Variants in CD82 observed in about 807,000 individuals in gnomAD.
CD82 encodes the protein CD82 molecule, also known as CD82 antigen.
A neutral mutation model predicts 37.4 loss-of-function variants in CD82; 36 were observed. The ratio of observed to expected loss-of-function variants is 0.96; its 90% CI spans 0.74 to 1.27. CD82 has a LOEUF of 1.27. Ranked by LOEUF, CD82 falls within the 50% of genes most tolerant of loss-of-function variation. The probability of loss-of-function intolerance (pLI) is 0.00; values close to 1 mark genes in which losing one functional copy is unlikely to be tolerated. For missense variants in CD82, 340 were observed against 347.0 expected, an observed-to-expected ratio of 0.98 and a Z score of 0.16; for synonymous variants, 158 against 137.4, an observed-to-expected ratio of 1.15 and a Z score of -1.05.
At chr11:44,568,209 G>A (rs1402054445) in intron 1 of CD82, among the ~76,000 whole-genome samples, 1 of 152,172 alleles carries the variant, frequency 6.6e-6, no homozygotes, top group Non-Finnish European at 1.5e-5. Context: ...ACCAATGGCT[G>A]CAGTGACTGG....
upstream of CD82, among the ~76,000 whole-genome samples, chr11:44,565,438 G>A (rs893311536): frequency 7.9e-4 from 120 of 152,140 alleles, no homozygotes; most frequent in Non-Finnish European, 1.1e-3. Flanking sequence ...GAGAGACTCC[G>A]TAGCGGGGCG....
In CD82 at chr11:44,591,684, T is replaced by C. The variant is rs542537980; in HGVS notation, c.-20-2959T>C. Among the ~76,000 whole-genome samples, 10 of 152,348 alleles carry C rather than the reference T, an allele frequency of 6.6e-5. 1 individual carries two copies. Among genetic ancestry groups the C allele is most frequent in the African/African-American group, 2.4e-4 (10 of 41,580 alleles). ...TTACTGAACCTGTCTGAGCCTCTGG[T>C]CTGCCAGGGATAGGAATACTCACTT... On this transcript the variant is annotated intron_variant, in intron 2 of 9. Transcript: ENST00000227155.
At chr11:44,615,683 A>G (rs962684261) in intron 7 of CD82, among the ~76,000 whole-genome samples, 4 of 152,160 alleles carry the variant, frequency 2.6e-5, no homozygotes, top group Non-Finnish European at 5.9e-5. Flanking sequence ...TCTGGGTTTT[A>G]GGAAACTGGG....
intron 2 of CD82, among the ~76,000 whole-genome samples, chr11:44,591,880 C>T (rs543156628): frequency 6.6e-5 from 10 of 151,988 alleles, no homozygotes; most frequent in Non-Finnish European, 1.2e-4. Context: ...AGTGCAGTGG[C>T]GCAATCTCAG....
chr11:44,619,245 T>TACTTTCAGTCAGGGTG lies in CD82; in HGVS notation c.*119_*120insACTTTCAGTCAGGGTG. On this transcript the variant is annotated 3_prime_UTR_variant, in exon 10 of 10. Transcript: ENST00000227155. ...ACTGCGAAGACCCTCTTGCCCATCC[T>TACTTTCAGTCAGGGTG]GACTGAAAGTAGGGGGCTTTCTGGG... The TACTTTCAGTCAGGGTG allele has an allele frequency of 1.3e-6, 1 of 766,706 alleles. No homozygotes were observed. The highest frequency in any genetic ancestry group is 2.3e-6 in the Non-Finnish European group (1 of 435,720). 47.5% of individuals were successfully genotyped at this position (766,706 alleles called of 1,614,324 possible). A position where few individuals can be genotyped will look rare whatever the true frequency, so the allele number is the denominator to read the frequency against.
intron 6 of CD82, among the ~76,000 whole-genome samples, chr11:44,610,555 G>A (rs1330708950): frequency 1.3e-5 from 2 of 152,194 alleles, no homozygotes; most frequent in African/African-American, 4.8e-5. Flanking sequence ...TGGGTGGGAC[G>A]TGAGTAGAGC....
chr11:44,565,186 G>A (rs1852710147), upstream of CD82, among the ~76,000 whole-genome samples: 2 of 152,354 alleles, frequency 1.3e-5, no homozygotes, highest in South Asian at 2.1e-4. Context: ...GATTAGGAAG[G>A]CGCTGAGCCC....
intron 1 of CD82, among the ~76,000 whole-genome samples, chr11:44,569,817 C>T (rs148876124): frequency 3.3e-5 from 5 of 152,236 alleles, no homozygotes; most frequent in African/African-American, 7.2e-5. Flanking sequence ...GTTGAGATCT[C>T]GGCCCTGCCA....
At chr11:44,618,609 G>T (rs201974709) in intron 8 of CD82, 31 bp from the exon 9 acceptor site, 2 of 1,570,874 alleles carry the variant, frequency 1.3e-6, no homozygotes, top group East Asian at 4.5e-5. Context: ...GGTGCAGAGC[G>T]GGGTGATGTG....
Position 44,597,841 on chromosome 11 carries a change from GT to G in CD82, c.64-2316del, listed in dbSNP as rs1482894947. ...GTGCTGTGGGGTGGTTGTGGGCTGGGTAGGGTTGCAGGTCTTGGGGAACCAA... is the reference window on the plus strand; with the variant it reads ...GTGCTGTGGGGTGGTTGTGGGCTGGGAGGGTTGCAGGTCTTGGGGAACCAA... On this transcript the variant is annotated intron_variant, in intron 3 of 9. Coordinates refer to ENST00000227155, the MANE Select transcript of CD82 (RefSeq NM_002231.4). This position sits in a 1 kb window ranked among gnomAD's most constrained non-coding sequence, Gnocchi z 4.1. 6.6e-6 allele frequency among the ~76,000 whole-genome samples: 1 copy of G among 152,122 alleles called. No homozygotes were observed. The highest frequency in any genetic ancestry group is 1.5e-5 in the Non-Finnish European group (1 of 68,010).
At chr11:44,593,712 A>C (rs1202529667) in intron 2 of CD82, among the ~76,000 whole-genome samples, 1 of 152,174 alleles carries the variant, frequency 6.6e-6, no homozygotes, top group African/African-American at 2.4e-5. Context: ...GCCACATCTG[A>C]GACTTTAACC....
chr11:44,576,293 C>T (rs1200192311), intron 1 of CD82, among the ~76,000 whole-genome samples: 1 of 152,156 alleles, frequency 6.6e-6, no homozygotes, highest in East Asian at 1.9e-4. Flanking sequence ...CTGTCCTGGA[C>T]ACTTTGCAGC....
At chr11:44,585,414 T>C (rs1853038903) in intron 1 of CD82, 1 of 432,232 alleles carries the variant, frequency 2.3e-6, no homozygotes, top group East Asian at 7.0e-5. Context: ...GGCACAGTGG[T>C]AAGGTGATCA....
At position 44,619,053 on chromosome 11, in the gene CD82, TG is replaced by T; in HGVS notation, c.735del (p.Met246TrpfsTer63). 1 of 1,612,288 alleles carries T rather than the reference TG, an allele frequency of 6.2e-7. No homozygotes were observed. Among genetic ancestry groups the T allele is most frequent in the Non-Finnish European group, 8.5e-7 (1 of 1,179,406 alleles). Reference protein sequence around the residue: ...VGVGVAIIELLGMVLSICLCR... With the variant: ...VGVGVAIIELXGMVLSICLCR... ...ACTCTCCGCCTCTCCCCACAGCTCC[TG>T]GGGATGGTCCTGTCCATCTGCTTGT... On this transcript the variant is annotated frameshift_variant, in exon 10 of 10. Coordinates refer to ENST00000227155, the MANE Select transcript of CD82 (RefSeq NM_002231.4). LOFTEE classifies it high-confidence loss of function.
chr11:44,612,028 C>T (rs750732989), intron 6 of CD82, among the ~76,000 whole-genome samples: 4 of 152,202 alleles, frequency 2.6e-5, no homozygotes, highest in Non-Finnish European at 5.9e-5. Flanking sequence ...GGCAGCTTTC[C>T]GCACAGATGC....
chr11:44,594,807 C>T (rs1170024143), intron 3 of CD82, 82 bp downstream of exon 3: 15 of 1,185,430 alleles, frequency 1.3e-5, no homozygotes, highest in African/African-American at 7.5e-5. Flanking sequence ...TTTCCAGAGC[C>T]GACCGGGCCG....
At chr11:44,594,846 C>G in intron 3 of CD82, 121 bp downstream of exon 3, 1 of 793,966 alleles carries the variant, frequency 1.3e-6, no homozygotes, top group East Asian at 2.5e-5. Flanking sequence ...TGGGTAGGGA[C>G]TGAGGACGAA....
chr11:44,568,775 G>A (rs151319907), intron 1 of CD82, among the ~76,000 whole-genome samples: 38 of 152,288 alleles, frequency 2.5e-4, no homozygotes, highest in African/African-American at 8.4e-4. Context: ...AGCTCCCACC[G>A]GCCATCCCCT....
At chr11:44,583,917 G>A (rs11038070) in intron 1 of CD82, among the ~76,000 whole-genome samples, 10,729 of 152,216 alleles carry the variant, frequency 0.07, 465 homozygotes, top group Middle Eastern at 0.15. Flanking sequence ...AGGAGAGAGG[G>A]AGCCTGTCTC....
Sources: gnomAD v4.1 joint callset for allele counts (sites outside exome capture counted in the v4.1 genomes callset) on GRCh38, gnomAD v4.1.1 for gene constraint, Gnocchi (gnomAD v3.1) non-coding constraint, MANE v1.5 for transcripts, NCBI Gene and HGNC (gene_info 2026-07-23, HGNC 2026-07-21) for gene names.